The following PCNX2 variants were observed in gnomAD, a reference collection of about 807,000 sequenced individuals.
The protein encoded by PCNX2 is pecanex-like protein 2.
A neutral mutation model predicts 223.8 loss-of-function variants in PCNX2; 168 were observed. That is an observed-to-expected ratio of 0.75 (90% CI 0.66 to 0.85). The LOEUF (loss-of-function observed/expected upper bound fraction) is 0.85, where lower values mean the gene tolerates loss of function less well. PCNX2 is among the 40% of genes least tolerant of loss of function. The probability of loss-of-function intolerance (pLI) is 0.00; values close to 1 mark genes in which losing one functional copy is unlikely to be tolerated. For synonymous variants in PCNX2, 1,006 were observed against 1,052.6 expected, an observed-to-expected ratio of 0.96 and a Z score of 0.86; for missense variants, 2,507 against 2,675.5, an observed-to-expected ratio of 0.94 and a Z score of 1.39.
chr1:233,154,669 T>C (rs1678009347), intron 19 of PCNX2, among the ~76,000 whole-genome samples: 1 of 152,232 alleles, frequency 6.6e-6, no homozygotes, highest in African/African-American at 2.4e-5. Flanking sequence ...TTTATATGCA[T>C]ATCAATAAGT....
intron 21 of PCNX2, among the ~76,000 whole-genome samples, chr1:233,116,028 T>G (rs1240944852): frequency 6.6e-6 from 1 of 151,878 alleles, no homozygotes; most frequent in Admixed American, 6.6e-5. Context: ...GCAAAGAAAT[T>G]ACCAGAAAAG....
chr1:233,147,128 G>A (rs184138168), intron 19 of PCNX2, among the ~76,000 whole-genome samples: 4 of 152,278 alleles, frequency 2.6e-5, no homozygotes, highest in Admixed American at 2.0e-4. Flanking sequence ...GTGTGAGCAC[G>A]TGAAACTATG....
chr1:232,995,289 C>T (rs748958570), intron 32 of PCNX2, among the ~76,000 whole-genome samples: 2 of 152,180 alleles, frequency 1.3e-5, no homozygotes, highest in Admixed American at 6.5e-5. Context: ...AACAACTGGT[C>T]TCAGAGCCTG....
chr1:233,018,775 T>C (rs1670774761), intron 26 of PCNX2: 7 of 985,264 alleles, frequency 7.1e-6, no homozygotes, highest in African/African-American at 1.7e-5. Context: ...CACTGTGAAA[T>C]CATGAGGGGC....
chr1:233,300,548 C>T (rs1369539909), upstream of PCNX2, among the ~76,000 whole-genome samples: 1 of 152,144 alleles, frequency 6.6e-6, no homozygotes, highest in Non-Finnish European at 1.5e-5. Flanking sequence ...CAGCTGTGTT[C>T]AAGACACCAC....
At chr1:233,086,329 T>G (rs772233081) in intron 23 of PCNX2, among the ~76,000 whole-genome samples, 14 of 152,160 alleles carry the variant, frequency 9.2e-5, no homozygotes, top group Admixed American at 2.6e-4. Flanking sequence ...AGGTGGCTAT[T>G]TAAATTTAAG....
At position 233,289,041 on chromosome 1, in the gene PCNX2, G is replaced by A. The variant is rs555171946; in HGVS notation, c.153+6285C>T. Reference sequence around the variant, plus strand: ...GATTCTCTTGCCCACAATTTTGCTTGTGAAGACCAAGTCCTCAAGGATGGC... The same window carrying A: ...GATTCTCTTGCCCACAATTTTGCTTATGAAGACCAAGTCCTCAAGGATGGC... On this transcript the variant is annotated intron_variant, in intron 1 of 33. Coordinates refer to ENST00000258229, the MANE Select transcript of PCNX2 (RefSeq NM_014801.4). 1.2e-3 allele frequency: 1,468 copies of A among 1,272,348 alleles called. 14 individuals carry two copies. The African/African-American group carries it at 0.019, about 16-fold the overall frequency. 78.8% of individuals were successfully genotyped at this position (1,272,348 alleles called of 1,614,324 possible).
chr1:233,045,610 C>A (rs528553717), intron 25 of PCNX2, among the ~76,000 whole-genome samples: 2 of 152,346 alleles, frequency 1.3e-5, no homozygotes, highest in South Asian at 4.1e-4. Flanking sequence ...AAGAGTCAGA[C>A]ACTTTCTTTC....
At chr1:233,151,453 A>C (rs1305580956) in intron 19 of PCNX2, among the ~76,000 whole-genome samples, 1 of 152,214 alleles carries the variant, frequency 6.6e-6, no homozygotes, top group Non-Finnish European at 1.5e-5. Context: ...CATATATTGC[A>C]CGCAGCATAT....
In PCNX2 at chr1:233,019,222, T is replaced by C. The variant is rs2102823821; in HGVS notation, c.4606-2068A>G. 3 of 984,842 alleles carry C rather than the reference T, an allele frequency of 3.0e-6. No individual in the cohort carries two copies. The African/African-American group carries it at 5.2e-5, about 17-fold the overall frequency. The allele number at this position is 984,842 out of a possible 1,614,324, so 61.0% of individuals were successfully genotyped here. A position where few individuals can be genotyped will look rare whatever the true frequency, so the allele number is the denominator to read the frequency against. On this transcript the variant is annotated intron_variant, in intron 26 of 33. Transcript: ENST00000258229. ...TTTGGGGAGGTTCCTCTGTGGTTCATGGCTGATGCTCTCCCTTCTTTTGGA... is the reference window on the plus strand; with the variant it reads ...TTTGGGGAGGTTCCTCTGTGGTTCACGGCTGATGCTCTCCCTTCTTTTGGA...
At chr1:233,190,442 T>C (rs535442624) in intron 15 of PCNX2, among the ~76,000 whole-genome samples, 2 of 152,168 alleles carry the variant, frequency 1.3e-5, no homozygotes, top group South Asian at 2.1e-4. Context: ...TCTGAGACTA[T>C]TAGAAAACTC....
In PCNX2 at chr1:233,112,749, C is replaced by A. The variant is rs570556929; in HGVS notation, c.3838-16886G>T. ...AAATTCACATATTTATTATAGTATA[C>A]TTTGGCATGAGAATTAAGCAAAAAT... is the stretch of plus-strand genomic sequence containing the variant. On this transcript the variant is annotated intron_variant, in intron 21 of 33. Coordinates refer to ENST00000258229, the MANE Select transcript of PCNX2 (RefSeq NM_014801.4). The A allele has an allele frequency of 4.4e-5, 45 of 1,019,314 alleles. No individual in the cohort carries two copies. The African/African-American group carries it at 7.1e-4, about 16-fold the overall frequency. 63.1% of individuals were successfully genotyped at this position (1,019,314 alleles called of 1,614,324 possible). A position where few individuals can be genotyped will look rare whatever the true frequency, so the allele number is the denominator to read the frequency against.
chr1:233,066,489 G>C (rs1314374927), intron 23 of PCNX2, among the ~76,000 whole-genome samples: 1 of 152,244 alleles, frequency 6.6e-6, no homozygotes, highest in African/African-American at 2.4e-5. Context: ...GAAGCTGCCT[G>C]TGGTATGCCT....
intron 19 of PCNX2, among the ~76,000 whole-genome samples, chr1:233,159,240 C>T (rs184375370): frequency 9.2e-5 from 14 of 152,238 alleles, no homozygotes; most frequent in Admixed American, 1.3e-4. Flanking sequence ...CTAACTAAGG[C>T]GGCTCCTTGT....
intron 32 of PCNX2, among the ~76,000 whole-genome samples, chr1:232,994,857 G>A (rs185821211): frequency 2.0e-5 from 3 of 152,222 alleles, no homozygotes; most frequent in South Asian, 2.1e-4. Flanking sequence ...TCCCCTTCAC[G>A]TTCCACCATA....
the PCNX2 span, among the ~76,000 whole-genome samples, chr1:233,322,787 C>T: frequency 6.6e-6 from 1 of 152,120 alleles, no homozygotes; most frequent in Non-Finnish European, 1.5e-5. Context: ...CTTCCCCACC[C>T]TTGATCTCTG....
intron 1 of PCNX2, among the ~76,000 whole-genome samples, chr1:233,293,282 G>C (rs1018000987): frequency 2.6e-5 from 4 of 152,132 alleles, no homozygotes; most frequent in African/African-American, 4.8e-5. Context: ...TTATTCTTAG[G>C]AAATATTCAA....
rs145881465 is a variant in PCNX2, at chr1:233,236,864, G to A, written c.2339C>T (p.Thr780Ile). The A allele has an allele frequency of 6.2e-7, 1 of 1,613,854 alleles. No individual in the cohort carries two copies. The highest frequency in any genetic ancestry group is 1.3e-5 in the African/African-American group (1 of 75,050). Residue 780 changes from threonine (T) to isoleucine (I), a missense_variant, in exon 9 of 34, where the codon ACC (threonine) becomes ATC (isoleucine). Transcript: ENST00000258229. ...QQLLLMVARR[T>I]QSETPRHVSQ... The stretch of plus-strand genomic sequence containing the variant: ...ACGTACCCGTGGGGTTTCCGACTGG[G>A]TCCTGCGAGCCACCATCAGTAACAG...
chr1:233,129,496 A>G (rs560565443), intron 21 of PCNX2, among the ~76,000 whole-genome samples: 17 of 152,344 alleles, frequency 1.1e-4, no homozygotes, highest in African/African-American at 4.1e-4. Context: ...CAAGGGCTGA[A>G]GAGTGTGGGT....
Sources: allele counts gnomAD v4.1 joint callset (sites outside exome capture counted in the v4.1 genomes callset), GRCh38; gene constraint gnomAD v4.1.1; transcripts MANE v1.5; gene names NCBI Gene and HGNC (gene_info 2026-07-23, HGNC 2026-07-21).